COL8A1: variants seen among roughly 807,000 people sequenced by gnomAD.
The protein encoded by COL8A1 is collagen type VIII alpha 1 chain, also known as collagen alpha-1(VIII) chain.
A neutral mutation model predicts 42.7 loss-of-function variants in COL8A1; 21 were observed. The observed-to-expected ratio is 0.49, with a 90% confidence interval of 0.35 to 0.71. COL8A1 has a LOEUF of 0.71. Among genes scored for constraint, COL8A1 ranks in the 30% least tolerant of loss-of-function variants. The pLI is 0.01. For synonymous variants in COL8A1, 367 were observed against 369.1 expected (o/e 0.99, Z 0.06); for missense variants, 788 against 962.4 (o/e 0.82, Z 2.40).
chr3:99,778,801 C>T (rs1364394914), intron 2 of COL8A1, among the ~76,000 whole-genome samples: 1 of 152,030 alleles, frequency 6.6e-6, no homozygotes, highest in Non-Finnish European at 1.5e-5. Flanking sequence ...ATCATACTAC[C>T]AAGATGGTAT....
chr3:99,649,275 T>G (rs768827988), intron 1 of COL8A1, among the ~76,000 whole-genome samples: 1 of 152,102 alleles, frequency 6.6e-6, no homozygotes, highest in African/African-American at 2.4e-5. Context: ...AATTTGTGTA[T>G]CCACCTCCAT....
At chr3:99,748,269 G>T (rs1344749708) in intron 2 of COL8A1, among the ~76,000 whole-genome samples, 2 of 152,142 alleles carry the variant, frequency 1.3e-5, no homozygotes, top group Non-Finnish European at 1.5e-5. Flanking sequence ...GACTATAGCT[G>T]CACTGTTCAA....
rs774970885 is a variant in COL8A1, at chr3:99,794,487, C to T, written c.586C>T (p.Gln196Ter). ...TGGGCCTATGGGGATCCCAGGACCA[C>T]AAGGACCTCCAGGGCCTCATGGACT... ...EIGPMGIPGP[Q>*]GPPGPHGLPG... Residue 196 changes from glutamine (Q) to a stop codon, truncating the protein, a stop_gained, in exon 4 of 4, where the codon CAA (glutamine) becomes TAA (stop). Transcript: ENST00000652472. LOFTEE classifies it high-confidence loss of function. This position sits in a 1 kb window ranked among gnomAD's most constrained non-coding sequence, Gnocchi z 4.3. The T allele has an allele frequency of 6.2e-7, 1 of 1,614,070 alleles. No homozygotes were observed. The highest frequency in any genetic ancestry group is 8.5e-7 in the Non-Finnish European group (1 of 1,179,982).
At chr3:99,643,340 T>G (rs1576409520) in intron 1 of COL8A1, among the ~76,000 whole-genome samples, 1 of 152,190 alleles carries the variant, frequency 6.6e-6, no homozygotes, top group Admixed American at 6.5e-5. Context: ...TAAATTCTTG[T>G]GAAGAGTGAA....
intron 1 of COL8A1, among the ~76,000 whole-genome samples, chr3:99,697,200 A>G (rs1196746138): frequency 2.6e-5 from 4 of 151,420 alleles, no homozygotes; most frequent in African/African-American, 9.7e-5. Context: ...TTTAGCCGGG[A>G]TGGTCTCGAT....
intron 1 of COL8A1, among the ~76,000 whole-genome samples, chr3:99,671,020 G>A (rs1415751645): frequency 2.6e-5 from 4 of 151,548 alleles, no homozygotes; most frequent in African/African-American, 9.7e-5. Flanking sequence ...GTGTGTTGGG[G>A]GGGTTATTTA....
At chr3:99,736,542 T>G (rs1940721801) in intron 1 of COL8A1, among the ~76,000 whole-genome samples, 1 of 152,124 alleles carries the variant, frequency 6.6e-6, no homozygotes, top group Non-Finnish European at 1.5e-5. Context: ...TGAGCGGTTT[T>G]GAGTGAGATT....
At chr3:99,759,294 A>G (rs776550116) in intron 2 of COL8A1, among the ~76,000 whole-genome samples, 3 of 152,206 alleles carry the variant, frequency 2.0e-5, no homozygotes, top group Non-Finnish European at 4.4e-5. Flanking sequence ...TAATGCATTT[A>G]GCAAATGCAT....
intron 2 of COL8A1, among the ~76,000 whole-genome samples, chr3:99,782,101 C>G (rs1941802643): frequency 6.6e-6 from 1 of 152,116 alleles, no homozygotes; most frequent in Non-Finnish European, 1.5e-5. Context: ...GTAAGCTTCA[C>G]ATTTGTATTC....
At chr3:99,657,219 C>A (rs1198582468) in intron 1 of COL8A1, among the ~76,000 whole-genome samples, 5 of 152,126 alleles carry the variant, frequency 3.3e-5, no homozygotes, top group Non-Finnish European at 7.4e-5. Context: ...TGATCGCATC[C>A]CAAGCTTGAT....
At chr3:99,767,742 G>A (rs1328526122) in intron 2 of COL8A1, among the ~76,000 whole-genome samples, 1 of 152,150 alleles carries the variant, frequency 6.6e-6, no homozygotes, top group Non-Finnish European at 1.5e-5. Context: ...CTGAACCTCT[G>A]AGTCTTAACA....
chr3:99,708,090 C>T (rs1267990102), intron 1 of COL8A1, among the ~76,000 whole-genome samples: 3 of 152,116 alleles, frequency 2.0e-5, no homozygotes, highest in Non-Finnish European at 4.4e-5. Context: ...AACACACATT[C>T]CAGAGACTAC....
At position 99,798,752 on chromosome 3, in the gene COL8A1, T is replaced by G. The variant is rs753299222; in HGVS notation, c.*2616T>G. The G allele has an allele frequency of 3.3e-5, 5 of 152,258 alleles. No homozygotes were observed. Among genetic ancestry groups the G allele is most frequent in the Non-Finnish European group, 7.3e-5 (5 of 68,044 alleles). The allele number at this position is 152,258 out of a possible 1,614,324, so 9.4% of individuals were successfully genotyped here. A position where few individuals can be genotyped will look rare whatever the true frequency, so the allele number is the denominator to read the frequency against. On this transcript the variant is annotated 3_prime_UTR_variant, in exon 4 of 4. Transcript: ENST00000652472. Reference sequence around the variant, plus strand: ...CAACATCTATGCCAAATACTGTGCATTCTACAATGGTGCTAATCTCAGACC... The same window carrying G: ...CAACATCTATGCCAAATACTGTGCAGTCTACAATGGTGCTAATCTCAGACC...
intron 1 of COL8A1, among the ~76,000 whole-genome samples, chr3:99,739,785 A>C (rs936107659): frequency 6.6e-6 from 1 of 151,900 alleles, no homozygotes; most frequent in Non-Finnish European, 1.5e-5. Flanking sequence ...TCTCTGACAT[A>C]CTCTGGAGAT....
chr3:99,667,312 T>A (rs549179454), intron 1 of COL8A1, among the ~76,000 whole-genome samples: 2 of 152,308 alleles, frequency 1.3e-5, no homozygotes, highest in African/African-American at 2.4e-5. Context: ...TAATAAAAAA[T>A]AGCATACCTT....
intron 2 of COL8A1, among the ~76,000 whole-genome samples, chr3:99,746,057 G>T (rs906548330): frequency 1.3e-5 from 2 of 152,028 alleles, no homozygotes; most frequent in African/African-American, 2.4e-5. Flanking sequence ...GATTTTTCTT[G>T]TTCTTTTTGG....
chr3:99,697,445 TAGTC>T (rs1158896987), intron 1 of COL8A1, among the ~76,000 whole-genome samples: 1 of 152,204 alleles, frequency 6.6e-6, no homozygotes, highest in African/African-American at 2.4e-5. Context: ...AGAATTAAAT[TAGTC>T]AGATTAGGAA....
intron 2 of COL8A1, among the ~76,000 whole-genome samples, chr3:99,758,982 G>GT: frequency 6.6e-6 from 1 of 152,162 alleles, no homozygotes; most frequent in Admixed American, 6.6e-5. Context: ...CACTCTGCCT[G>GT]TACACTGTCC....
chr3:99,661,856 C>T (rs79421833), intron 1 of COL8A1, among the ~76,000 whole-genome samples: 5,207 of 152,186 alleles, frequency 0.034, 144 homozygotes, highest in East Asian at 0.063. Flanking sequence ...TGAAATAGGC[C>T]AGTCACAAAA....
Sources: allele counts gnomAD v4.1 joint callset (sites outside exome capture counted in the v4.1 genomes callset), GRCh38; gene constraint gnomAD v4.1.1; non-coding constraint Gnocchi (gnomAD v3.1); transcripts MANE v1.5; gene names NCBI Gene and HGNC (gene_info 2026-07-23, HGNC 2026-07-21).